The following PCSK2 variants were observed in gnomAD, a reference collection of about 807,000 sequenced individuals.
PCSK2 encodes proprotein convertase subtilisin/kexin type 2.
A neutral mutation model predicts 69.7 loss-of-function variants in PCSK2; 14 were observed. The observed-to-expected ratio is 0.20, with a 90% CI of 0.13 to 0.31. The LOEUF (loss-of-function observed/expected upper bound fraction) is 0.31, where lower values mean the gene tolerates loss of function less well. PCSK2 is among the 10% of genes least tolerant of loss of function. PCSK2 has a pLI of 1.00. For synonymous variants in PCSK2, 307 were observed against 320.7 expected, an observed-to-expected ratio of 0.96 and a Z score of 0.46; for missense variants, 544 against 842.5, an observed-to-expected ratio of 0.65 and a Z score of 4.39.
chr20:17,304,496 G>A (rs149571296), intron 2 of PCSK2, among the ~76,000 whole-genome samples: 82 of 152,234 alleles, frequency 5.4e-4, no homozygotes, highest in Non-Finnish European at 1.0e-3. Context: ...TTTCTGAAAC[G>A]GAGCACAGGA....
chr20:17,432,157 A>C (rs138662620), intron 7 of PCSK2, among the ~76,000 whole-genome samples: 1 of 152,332 alleles, frequency 6.6e-6, no homozygotes, highest in East Asian at 1.9e-4. Context: ...GAGAGCATTG[A>C]GCATCTCTGC....
intron 5 of PCSK2, among the ~76,000 whole-genome samples, chr20:17,391,906 G>GAGGAAGGAAGGAAGGAAGGAAGGAAAGA (rs2031385341): frequency 1.0e-5 from 1 of 99,966 alleles, no homozygotes; most frequent in African/African-American, 3.9e-5. Context: ...GAAAGAGAGA[G>GAGGAAGGAAGGAAGGAAGGAAGGAAAGA]AGGAAGGAAG....
intron 1 of PCSK2, among the ~76,000 whole-genome samples, chr20:17,256,435 G>A (rs1209164773): frequency 6.6e-6 from 1 of 151,854 alleles, no homozygotes; most frequent in Non-Finnish European, 1.5e-5. Flanking sequence ...TTTCCTCTAT[G>A]TGTGGAGCAT....
intron 1 of PCSK2, among the ~76,000 whole-genome samples, chr20:17,246,670 T>C (rs1986783581): frequency 6.6e-6 from 1 of 152,152 alleles, no homozygotes; most frequent in South Asian, 2.1e-4. Flanking sequence ...ACGCATTCCA[T>C]GGGGGACGTG....
At chr20:17,255,002 T>C (rs766540837) in intron 1 of PCSK2, among the ~76,000 whole-genome samples, 5 of 152,246 alleles carry the variant, frequency 3.3e-5, no homozygotes, top group Admixed American at 6.5e-5. Flanking sequence ...TATAATTGAT[T>C]TTGCATGTTA....
chr20:17,412,731 A>G (rs2031904976), intron 6 of PCSK2, among the ~76,000 whole-genome samples: 1 of 152,224 alleles, frequency 6.6e-6, no homozygotes, highest in African/African-American at 2.4e-5. Flanking sequence ...CATACTTGTC[A>G]GATTCACCAA....
intron 2 of PCSK2, among the ~76,000 whole-genome samples, chr20:17,268,035 A>G (rs1345394765): frequency 3.4e-5 from 1 of 29,296 alleles, no homozygotes; most frequent in South Asian, 8.3e-4. Flanking sequence ...TCCAATGTGT[A>G]TATATATATA....
At chr20:17,307,558 T>C (rs1989365739) in intron 2 of PCSK2, among the ~76,000 whole-genome samples, 1 of 152,168 alleles carries the variant, frequency 6.6e-6, no homozygotes, top group African/African-American at 2.4e-5. Flanking sequence ...GCTTCAACTA[T>C]CCGCGTTTTT....
At chr20:17,386,082 G>A (rs936317470) in intron 5 of PCSK2, among the ~76,000 whole-genome samples, 13 of 152,110 alleles carry the variant, frequency 8.5e-5, no homozygotes, top group Non-Finnish European at 1.8e-4. Context: ...TAGCATCTAG[G>A]ACACTTACAA....
chr20:17,281,737 G>A (rs1426416284), intron 2 of PCSK2, among the ~76,000 whole-genome samples: 1 of 152,142 alleles, frequency 6.6e-6, no homozygotes, highest in East Asian at 1.9e-4. Context: ...TGCAGGCCAT[G>A]GCCAGCCTAT....
chr20:17,477,690 A>C (rs2033316342), intron 11 of PCSK2, among the ~76,000 whole-genome samples: 11 of 152,190 alleles, frequency 7.2e-5, no homozygotes. Flanking sequence ...TCCTACAAGA[A>C]TCTTGCCTTA....
chr20:17,300,562 G>A (rs1989046978), intron 2 of PCSK2, among the ~76,000 whole-genome samples: 1 of 152,240 alleles, frequency 6.6e-6, no homozygotes, highest in Non-Finnish European at 1.5e-5. Context: ...TTAGGAGGAT[G>A]ACATTGACAT....
intron 2 of PCSK2, among the ~76,000 whole-genome samples, chr20:17,324,403 AG>A (rs966152900): frequency 9.9e-5 from 15 of 152,174 alleles, no homozygotes; most frequent in African/African-American, 3.6e-4. Flanking sequence ...TATTCTTATC[AG>A]GGTTCTTAGG....
rs143913615 is a variant in PCSK2 at position 17,404,596 on chromosome 20, G to A, written c.544-4667G>A. Reference sequence around the variant, plus strand: ...TCAGCTAGCATGAGACACAGGAGGAGCAAGCTTCAAACTCCCAACAAGGTA... The same window carrying A: ...TCAGCTAGCATGAGACACAGGAGGAACAAGCTTCAAACTCCCAACAAGGTA... On this transcript the variant is annotated intron_variant, in intron 5 of 11. Transcript: ENST00000262545. Among the ~76,000 whole-genome samples the A allele has an allele frequency of 3.9e-5, 6 of 152,352 alleles. No individual in the cohort carries two copies. The East Asian group carries it at 9.7e-4, about 25-fold the overall frequency.
intron 6 of PCSK2, among the ~76,000 whole-genome samples, chr20:17,411,222 T>C (rs992541535): frequency 3.9e-5 from 6 of 152,202 alleles, no homozygotes; most frequent in African/African-American, 9.6e-5. Context: ...GTTCATCTCA[T>C]TGGGACTAGT....
chr20:17,307,729 ATAATT>A (rs1989371067), intron 2 of PCSK2, among the ~76,000 whole-genome samples: 1 of 152,222 alleles, frequency 6.6e-6, no homozygotes, highest in South Asian at 2.1e-4. Flanking sequence ...TATGAAACAG[ATAATT>A]AATTTAAAAA....
At chr20:17,391,202 C>T (rs966790379) in intron 5 of PCSK2, among the ~76,000 whole-genome samples, 4 of 151,746 alleles carry the variant, frequency 2.6e-5, no homozygotes, top group African/African-American at 9.7e-5. Flanking sequence ...TGAATCAATG[C>T]ATAGTCCTCC....
At chr20:17,254,787 T>C (rs1407756968) in intron 1 of PCSK2, among the ~76,000 whole-genome samples, 6 of 152,216 alleles carry the variant, frequency 3.9e-5, no homozygotes, top group Non-Finnish European at 2.9e-5. Context: ...AGCATTGCCA[T>C]TTTAAAAAAT....
chr20:17,416,861 T>C (rs901198460), intron 6 of PCSK2, among the ~76,000 whole-genome samples: 1 of 152,248 alleles, frequency 6.6e-6, no homozygotes, highest in African/African-American at 2.4e-5. Flanking sequence ...GATGAGTTCA[T>C]GTCCTTTTCA....
Sources: gnomAD v4.1 joint callset for allele counts (sites outside exome capture counted in the v4.1 genomes callset) on GRCh38, gnomAD v4.1.1 for gene constraint, MANE v1.5 for transcripts, NCBI Gene and HGNC (gene_info 2026-07-23, HGNC 2026-07-21) for gene names.